CLINT1: variants seen among roughly 807,000 people sequenced by gnomAD.
CLINT1 encodes clathrin interacting protein localized in the trans-Golgi region.
In CLINT1, 15 loss-of-function variants were observed where a neutral mutation model predicts 70.4. The ratio of observed to expected loss-of-function variants is 0.21; its 90% confidence interval spans 0.14 to 0.33. The LOEUF is 0.33. Ranked by LOEUF, CLINT1 falls within the 10% of genes least tolerant of loss-of-function variation. The probability of loss-of-function intolerance (pLI) is 1.00; values close to 1 mark genes in which losing one functional copy is unlikely to be tolerated. For synonymous variants in CLINT1, 227 were observed against 254.7 expected (o/e 0.89, Z 1.04); for missense variants, 615 against 778.1 (o/e 0.79, Z 2.49).
At chr5:157,805,466 A>C (rs1362222843) in intron 7 of CLINT1, among the ~76,000 whole-genome samples, 3 of 152,234 alleles carry the variant, frequency 2.0e-5, no homozygotes, top group African/African-American at 7.2e-5. Context: ...TCTACATTAC[A>C]TGAGATAACT....
At chr5:157,808,978 T>C (rs554485226) in intron 6 of CLINT1, 3 of 152,252 alleles carry the variant, frequency 2.0e-5, no homozygotes, top group Admixed American at 2.0e-4. Flanking sequence ...GAAAGACTAC[T>C]AGCTTGAATA....
At chr5:157,792,255 T>TAA (rs71721366) in intron 9 of CLINT1, among the ~76,000 whole-genome samples, 9 of 150,738 alleles carry the variant, frequency 6.0e-5, no homozygotes, top group African/African-American at 2.2e-4. Flanking sequence ...GAATTTACCA[T>TAA]AAAAAAAAAT....
intron 1 of CLINT1, among the ~76,000 whole-genome samples, chr5:157,845,437 T>C (rs1397789551): frequency 3.9e-5 from 6 of 152,164 alleles, no homozygotes; most frequent in Admixed American, 3.9e-4. Context: ...AGGTATATAC[T>C]ACTAATTCAC....
Position 157,806,083 on chromosome 5 carries a change from C to CT in CLINT1, c.724dup (p.Arg242LysfsTer8). On this transcript the variant is annotated frameshift_variant, in exon 7 of 12. Transcript: ENST00000411809. LOFTEE classifies it high-confidence loss of function. ...GAATTCACCTTTGGGAGATCTGCCT[C>CT]TTCTCGCTTTCTTTTCCTCATCGCT... 6.2e-7 allele frequency: 1 copy of CT among 1,613,952 alleles called. No homozygotes were observed. Among genetic ancestry groups the CT allele is most frequent in the Non-Finnish European group, 8.5e-7 (1 of 1,179,870 alleles).
intron 8 of CLINT1, 170 bp from the exon 9 acceptor site, chr5:157,795,142 T>C (rs1248146890): frequency 6.5e-6 from 4 of 615,568 alleles, no homozygotes; most frequent in Non-Finnish European, 1.2e-5. Context: ...ATGTTCCCTA[T>C]GAGCTACCAT....
intron 1 of CLINT1, among the ~76,000 whole-genome samples, chr5:157,839,666 CT>C (rs1763555421): frequency 1.3e-5 from 2 of 151,292 alleles, no homozygotes; most frequent in Non-Finnish European, 2.9e-5. Context: ...CAACTCTGGA[CT>C]ACAGGTGATC....
chr5:157,853,594 T>C (rs1753647250), intron 1 of CLINT1, among the ~76,000 whole-genome samples: 1 of 151,518 alleles, frequency 6.6e-6, no homozygotes, highest in South Asian at 2.1e-4. Context: ...CTGGCCAACA[T>C]GACGAAATCT....
chr5:157,818,396 T>G (rs1345465329), intron 1 of CLINT1, among the ~76,000 whole-genome samples: 1 of 148,764 alleles, frequency 6.7e-6, no homozygotes, highest in East Asian at 2.0e-4. Context: ...GTACTCAATA[T>G]ATGTTAGCTA....
At chr5:157,816,628 T>C (rs1762731324) in intron 3 of CLINT1, 106 bp downstream of exon 3, 1 of 682,024 alleles carries the variant, frequency 1.5e-6, no homozygotes, top group African/African-American at 1.9e-5. Flanking sequence ...TCGATTATTC[T>C]ATTCTAGGAT....
intron 1 of CLINT1, among the ~76,000 whole-genome samples, chr5:157,856,063 T>C (rs866417336): frequency 2.6e-5 from 4 of 152,366 alleles, no homozygotes; most frequent in Middle Eastern, 6.8e-3. Context: ...TGGGTATCAA[T>C]ATACACTAAA....
At chr5:157,834,292 G>T (rs1416106144) in intron 1 of CLINT1, among the ~76,000 whole-genome samples, 3 of 152,090 alleles carry the variant, frequency 2.0e-5, no homozygotes, top group African/African-American at 7.2e-5. Context: ...CTTGAACCGG[G>T]AGGCAGAGGT....
At chr5:157,797,443 T>C (rs963424115) in intron 8 of CLINT1, among the ~76,000 whole-genome samples, 3 of 152,128 alleles carry the variant, frequency 2.0e-5, no homozygotes, top group Non-Finnish European at 2.9e-5. Context: ...TAGAGTGCAA[T>C]GGTGCACTCT....
In CLINT1 at chr5:157,816,723, T is replaced by A. The variant is rs769609608; in HGVS notation, c.243+11A>T. On this transcript the variant is annotated intron_variant, in intron 3 of 11. Coordinates refer to ENST00000411809, the MANE Select transcript of CLINT1 (RefSeq NM_014666.4). ...ACATGTCAAGTAATTAAAGCAGACT[T>A]GTGTCCATACCTTATAAACTCTTCT... 5.7e-6 allele frequency: 9 copies of A among 1,583,464 alleles called. No homozygotes were observed. Among genetic ancestry groups the A allele is most frequent in the Non-Finnish European group, 7.8e-6 (9 of 1,155,908 alleles).
chr5:157,854,917 G>A (rs1753702627), intron 1 of CLINT1, among the ~76,000 whole-genome samples: 1 of 152,050 alleles, frequency 6.6e-6, no homozygotes, highest in African/African-American at 2.4e-5. Context: ...GCCGAGGTGG[G>A]TGGATCACCT....
chr5:157,806,530 T>C (rs10515754), intron 6 of CLINT1, among the ~76,000 whole-genome samples: 6,092 of 152,280 alleles, frequency 0.04, 154 homozygotes, highest in Non-Finnish European at 0.061. Flanking sequence ...CAAATTACTA[T>C]AGTTCCACTT....
chr5:157,853,890 CTAAA>C (rs1753662934), intron 1 of CLINT1, among the ~76,000 whole-genome samples: 1 of 149,522 alleles, frequency 6.7e-6, no homozygotes, highest in Non-Finnish European at 1.5e-5. Flanking sequence ...GACAGTAGTA[CTAAA>C]TAGATTAAAC....
At position 157,792,845 on chromosome 5, in the gene CLINT1, T is replaced by A. The variant is rs550035915; in HGVS notation, c.1088-850A>T. Among the ~76,000 whole-genome samples, 3 of 152,290 alleles carry A rather than the reference T, an allele frequency of 2.0e-5. No individual in the cohort carries two copies. The South Asian group carries it at 6.2e-4, about 32-fold the overall frequency. On this transcript the variant is annotated intron_variant, in intron 9 of 11. Transcript: ENST00000411809. ...ACAGATAAATACGCATAAATGGAAG[T>A]TGAAAAAGCAAAATGTGAAGAAAGA... is the stretch of plus-strand genomic sequence containing the variant.
chr5:157,825,205 A>G lies in CLINT1; in HGVS notation c.42-7658T>C, dbSNP rs543043018. Among the ~76,000 whole-genome samples, 30 of 152,276 alleles carry G rather than the reference A, an allele frequency of 2.0e-4. No individual in the cohort carries two copies. In the East Asian group the frequency reaches 5.4e-3, roughly 27 times the overall value. On this transcript the variant is annotated intron_variant, in intron 1 of 11. Coordinates refer to ENST00000411809, the MANE Select transcript of CLINT1 (RefSeq NM_014666.4). ...CATATAACCTATTCAATCCAATGAT[A>G]TCATATGTATATGGGATGCATATTA...
intron 1 of CLINT1, among the ~76,000 whole-genome samples, chr5:157,832,872 C>T (rs1348873953): frequency 6.6e-6 from 1 of 152,166 alleles, no homozygotes; most frequent in Non-Finnish European, 1.5e-5. Flanking sequence ...CCAATACTAC[C>T]TTAATCTAGG....
Sources: allele counts gnomAD v4.1 joint callset (sites outside exome capture counted in the v4.1 genomes callset), GRCh38; gene constraint gnomAD v4.1.1; transcripts MANE v1.5; gene names NCBI Gene and HGNC (gene_info 2026-07-23, HGNC 2026-07-21).